LITAF: variants seen among roughly 807,000 people sequenced by gnomAD.
LITAF encodes the protein lipopolysaccharide-induced tumor necrosis factor-alpha factor.
A neutral mutation model predicts 14.5 loss-of-function variants in LITAF; 9 were observed. That is an observed-to-expected ratio of 0.62 (90% CI 0.37 to 1.08). The LOEUF (loss-of-function observed/expected upper bound fraction) is 1.08, where lower values mean the gene tolerates loss of function less well. LITAF is among the 50% of genes least tolerant of loss of function. LITAF has a pLI of 0.01. For missense variants in LITAF, 206 were observed against 213.4 expected, an observed-to-expected ratio of 0.97 and a Z score of 0.22; for synonymous variants, 98 against 88.2, an observed-to-expected ratio of 1.11 and a Z score of -0.62.
At chr16:11,638,054 CTATA>C (rs372075411), upstream of LITAF, among the ~76,000 whole-genome samples, 5 of 48,142 alleles carry the variant, frequency 1.0e-4, no homozygotes, top group African/African-American at 4.5e-4. Flanking sequence ...ATATATATAT[CTATA>C]TATATATCTA....
At chr16:11,595,329 C>G (rs539851590) in intron 1 of LITAF, among the ~76,000 whole-genome samples, 3 of 152,260 alleles carry the variant, frequency 2.0e-5, no homozygotes, top group Non-Finnish European at 4.4e-5. Flanking sequence ...TGGCCCTGAC[C>G]CTGGCCAAAC....
chr16:11,560,164 T>C lies in LITAF; in HGVS notation c.-5-3429A>G, dbSNP rs192953411. ...ATACAAAAATTAGCCAGGTGTGATA[T>C]TGGGCGCCTGTAATCCCAGCTACTC... On this transcript the variant is annotated intron_variant, in intron 1 of 3. Coordinates refer to ENST00000622633, the MANE Select transcript of LITAF (RefSeq NM_001136472.2). 5.7e-5 allele frequency among the ~76,000 whole-genome samples: 8 copies of C among 141,380 alleles called. No individual in the cohort carries two copies. In the East Asian group the frequency reaches 1.7e-3, roughly 30 times the overall value. 92.8% of individuals were successfully genotyped at this position (141,380 alleles called of 152,430 possible).
At chr16:11,618,828 C>T (rs994995505) in intron 3 of LITAF, among the ~76,000 whole-genome samples, 1 of 151,758 alleles carries the variant, frequency 6.6e-6, no homozygotes, top group Non-Finnish European at 1.5e-5. Flanking sequence ...ACTAAAAATA[C>T]GAAAGTTAGC....
chr16:11,547,955 C>T lies in LITAF; in HGVS notation c.*1682G>A. The T allele has an allele frequency of 4.4e-6, 2 of 454,114 alleles. No homozygotes were observed. The highest frequency in any genetic ancestry group is 8.8e-6 in the Non-Finnish European group (2 of 226,800). 28.1% of individuals were successfully genotyped at this position (454,114 alleles called of 1,614,324 possible). A position where few individuals can be genotyped will look rare whatever the true frequency, so the allele number is the denominator to read the frequency against. On this transcript the variant is annotated 3_prime_UTR_variant, in exon 4 of 4. Coordinates refer to ENST00000622633, the MANE Select transcript of LITAF (RefSeq NM_001136472.2). The stretch of plus-strand genomic sequence containing the variant: ...TTCTTTGTAGCAATGGCTGGAAATG[C>T]AACATGAGCCCTTTCTTCACACCAA...
intron 1 of LITAF, among the ~76,000 whole-genome samples, chr16:11,582,184 A>C (rs888794618): frequency 6.6e-6 from 1 of 152,206 alleles, no homozygotes; most frequent in African/African-American, 2.4e-5. Flanking sequence ...ATATAAGAAA[A>C]TATCACTCTT....
intron 1 of LITAF, among the ~76,000 whole-genome samples, chr16:11,568,573 G>T (rs1220700693): frequency 1.3e-5 from 2 of 151,916 alleles, no homozygotes. Flanking sequence ...AACGTCAACA[G>T]TTCCAGCCAA....
At chr16:11,591,800 G>A (rs1360469950), upstream of LITAF, among the ~76,000 whole-genome samples, 1 of 151,744 alleles carries the variant, frequency 6.6e-6, no homozygotes, top group South Asian at 2.1e-4. Flanking sequence ...ACCACCACAG[G>A]CTGGTCTCAA....
At chr16:11,612,182 C>T (rs977036106) in intron 3 of LITAF, among the ~76,000 whole-genome samples, 1 of 152,232 alleles carries the variant, frequency 6.6e-6, no homozygotes, top group East Asian at 1.9e-4. Flanking sequence ...ACTGCCCACA[C>T]CGCCAAAGCT....
intron 2 of LITAF, among the ~76,000 whole-genome samples, chr16:11,635,177 T>A (rs894103445): frequency 5.3e-5 from 8 of 152,232 alleles, no homozygotes; most frequent in Non-Finnish European, 8.8e-5. Flanking sequence ...ATCAGCTCTA[T>A]CTGGGCAGTG....
At chr16:11,638,738 A>G (rs1271445251), upstream of LITAF, among the ~76,000 whole-genome samples, 4 of 146,004 alleles carry the variant, frequency 2.7e-5, no homozygotes, top group South Asian at 8.5e-4. Flanking sequence ...AAAAAAAAAA[A>G]AAACCCTGGA....
Position 11,553,734 on chromosome 16 carries a change from G to A in LITAF, c.221-45C>T, listed in dbSNP as rs1273317061. 2 of 1,607,962 alleles carry A rather than the reference G, an allele frequency of 1.2e-6. No individual in the cohort carries two copies. The highest frequency in any genetic ancestry group is 1.3e-5 in the African/African-American group (1 of 74,814). On this transcript the variant is annotated intron_variant, in intron 2 of 3. Coordinates refer to ENST00000622633, the MANE Select transcript of LITAF (RefSeq NM_001136472.2). The surrounding 1 kb of genome is among the most constrained non-coding windows in gnomAD (Gnocchi z 7.7). ...CAAACACAGGTTGCTCAGGAAACAA[G>A]GCCAATAGCATTCACTACAGGACAA...
chr16:11,558,171 C>G lies in LITAF; in HGVS notation c.-5-1436G>C, dbSNP rs1182269154. On this transcript the variant is annotated intron_variant, in intron 1 of 3. Coordinates refer to ENST00000622633, the MANE Select transcript of LITAF (RefSeq NM_001136472.2). This position sits in a 1 kb window ranked among gnomAD's most constrained non-coding sequence, Gnocchi z 4.1. ...GTGGGAAGCCAAGGCAGCAATTAAT[C>G]CCACTGCAGGGAGAAGGGTAGAGTC... 6.6e-6 allele frequency among the ~76,000 whole-genome samples: 1 copy of G among 152,180 alleles called. No homozygotes were observed. Among genetic ancestry groups the G allele is most frequent in the Non-Finnish European group, 1.5e-5 (1 of 68,028 alleles).
intron 1 of LITAF, among the ~76,000 whole-genome samples, chr16:11,593,655 T>C (rs2064862840): frequency 1.3e-5 from 2 of 152,126 alleles, no homozygotes; most frequent in Middle Eastern, 3.2e-3. Context: ...CATAAAAGAA[T>C]TGAATGATTT....
upstream of LITAF, chr16:11,587,359 G>C (rs547730258): frequency 8.8e-6 from 4 of 452,718 alleles, no homozygotes; most frequent in African/African-American, 4.0e-5. Context: ...ACCCGCGCTG[G>C]GGCGCTCCCG....
upstream of LITAF, among the ~76,000 whole-genome samples, chr16:11,637,266 G>A (rs1347330420): frequency 2.0e-5 from 3 of 152,190 alleles, no homozygotes; most frequent in Admixed American, 1.3e-4. Flanking sequence ...ACAGTAGGTG[G>A]CAGGAACGCC....
At chr16:11,578,061 AT>A (rs200513418) in intron 1 of LITAF, among the ~76,000 whole-genome samples, 1 of 151,276 alleles carries the variant, frequency 6.6e-6, no homozygotes, top group African/African-American at 2.4e-5. Flanking sequence ...ACACTCAGCG[AT>A]TTTTTTTTAA....
At chr16:11,626,333 C>G (rs908314537) in intron 3 of LITAF, among the ~76,000 whole-genome samples, 1 of 151,976 alleles carries the variant, frequency 6.6e-6, no homozygotes, top group African/African-American at 2.4e-5. Context: ...CTCATACCAC[C>G]ATGCTCTGCT....
At chr16:11,551,987 G>A (rs2064189383) in intron 3 of LITAF, among the ~76,000 whole-genome samples, 2 of 152,132 alleles carry the variant, frequency 1.3e-5, no homozygotes, top group Admixed American at 6.6e-5. Flanking sequence ...TGGGCAAGAG[G>A]GGGAATCAGG....
In LITAF at chr16:11,572,747, G is replaced by A. The variant is rs76195035; in HGVS notation, c.-6+14139C>T. 8.0e-4 allele frequency among the ~76,000 whole-genome samples: 122 copies of A among 152,218 alleles called. 2 individuals are homozygous for A. The East Asian group carries it at 0.019, about 24-fold the overall frequency. On this transcript the variant is annotated intron_variant, in intron 1 of 3. Transcript: ENST00000622633. ...ACAACTGAATACAACGTAGAACCCC[G>A]GCACAGAAAAGCCTTAGTTGGAAAA...
Sources: allele counts gnomAD v4.1 joint callset (sites outside exome capture counted in the v4.1 genomes callset), GRCh38; gene constraint gnomAD v4.1.1; non-coding constraint Gnocchi (gnomAD v3.1); transcripts MANE v1.5; gene names NCBI Gene and HGNC (gene_info 2026-07-23, HGNC 2026-07-21).